CADM2: variants seen among roughly 807,000 people sequenced by gnomAD.
CADM2 encodes the protein immunoglobulin superfamily member 4D.
In CADM2, 12 loss-of-function variants were observed where a neutral mutation model predicts 49.8. The observed-to-expected ratio is 0.24, with a 90% CI of 0.15 to 0.39. CADM2 has a LOEUF of 0.39. Ranked by LOEUF, CADM2 falls within the 10% of genes least tolerant of loss-of-function variation. CADM2 has a pLI of 1.00. For missense variants in CADM2, 378 were observed against 492.3 expected (o/e 0.77, Z 2.20); for synonymous variants, 214 against 175.4 (o/e 1.22, Z -1.74).
At chr3:85,762,045 G>A (rs1181469673) in intron 2 of CADM2, among the ~76,000 whole-genome samples, 1 of 152,126 alleles carries the variant, frequency 6.6e-6, no homozygotes, top group African/African-American at 2.4e-5. Flanking sequence ...ATGAAAGGAG[G>A]AAGAATAATT....
At chr3:85,751,798 TTC>T (rs1255379258) in intron 2 of CADM2, among the ~76,000 whole-genome samples, 16 of 152,202 alleles carry the variant, frequency 1.1e-4, no homozygotes, top group Non-Finnish European at 2.4e-4. Context: ...CCATGTTAAA[TTC>T]TGTTTGCTTT....
At chr3:85,778,612 C>A (rs1338671143) in intron 2 of CADM2, among the ~76,000 whole-genome samples, 1 of 149,564 alleles carries the variant, frequency 6.7e-6, no homozygotes, top group Non-Finnish European at 1.5e-5. Flanking sequence ...CCTGAGGCCT[C>A]TCAACCATGC....
At chr3:85,959,873 A>G (rs185227233) in intron 7 of CADM2, among the ~76,000 whole-genome samples, 1 of 152,054 alleles carries the variant, frequency 6.6e-6, no homozygotes, top group African/African-American at 2.4e-5. Context: ...TGGTGTTTGT[A>G]TAATGACAAA....
intron 8 of CADM2, among the ~76,000 whole-genome samples, chr3:86,062,719 AG>A (rs1481314978): frequency 6.6e-6 from 1 of 152,034 alleles, no homozygotes; most frequent in East Asian, 1.9e-4. Flanking sequence ...TGTCCCTGGG[AG>A]GTGGAGGTTG....
At chr3:85,470,469 A>G (rs1297936534) in intron 1 of CADM2, among the ~76,000 whole-genome samples, 2 of 152,202 alleles carry the variant, frequency 1.3e-5, no homozygotes, top group Non-Finnish European at 2.9e-5. Flanking sequence ...CAGGAATTAC[A>G]TAGGGTTTTA....
At chr3:85,047,519 A>G (rs2035713801) in intron 1 of CADM2, among the ~76,000 whole-genome samples, 1 of 152,168 alleles carries the variant, frequency 6.6e-6, no homozygotes, top group Admixed American at 6.6e-5. Flanking sequence ...AGACCCTGCA[A>G]TGTGTGATGG....
In CADM2 at chr3:85,983,133, C is replaced by A. The variant is rs560515499; in HGVS notation, c.970+21486C>A. ...TTAAAATACATTTAAAGAATCACAG[C>A]TGTATCTATATTAAAAATCAAGATG... On this transcript the variant is annotated intron_variant, in intron 8 of 9. Coordinates refer to ENST00000383699, the MANE Select transcript of CADM2 (RefSeq NM_001167675.2). 1.1e-4 allele frequency among the ~76,000 whole-genome samples: 16 copies of A among 151,740 alleles called. No homozygotes were observed. The South Asian group carries it at 3.3e-3, about 32-fold the overall frequency.
At chr3:85,571,510 G>T (rs1432042756) in intron 1 of CADM2, among the ~76,000 whole-genome samples, 1 of 151,040 alleles carries the variant, frequency 6.6e-6, no homozygotes, top group Non-Finnish European at 1.5e-5. Flanking sequence ...TTTAATTATT[G>T]GATAAAAAAA....
chr3:85,882,306 T>C (rs1317707545), intron 3 of CADM2, among the ~76,000 whole-genome samples: 1 of 152,142 alleles, frequency 6.6e-6, no homozygotes, highest in Non-Finnish European at 1.5e-5. Flanking sequence ...GTAAGGCTCC[T>C]ACTTCATTCT....
At chr3:85,418,794 A>G (rs757175818) in intron 1 of CADM2, among the ~76,000 whole-genome samples, 1 of 152,164 alleles carries the variant, frequency 6.6e-6, no homozygotes, top group Non-Finnish European at 1.5e-5. Context: ...GGAGCTGGGT[A>G]TTATGAAGTG....
chr3:85,202,078 G>GAAAA (rs57243426), intron 1 of CADM2, among the ~76,000 whole-genome samples: 5 of 79,514 alleles, frequency 6.3e-5, no homozygotes, highest in Non-Finnish European at 9.6e-5. Flanking sequence ...GACTCTGTCT[G>GAAAA]AAAAAAAAAA....
intron 1 of CADM2, among the ~76,000 whole-genome samples, chr3:85,455,352 T>C (rs1289567752): frequency 6.6e-6 from 1 of 152,202 alleles, no homozygotes; most frequent in Non-Finnish European, 1.5e-5. Flanking sequence ...TCATCTTTCA[T>C]AGCATGAGTA....
At chr3:85,829,665 T>A (rs1230637151) in intron 3 of CADM2, among the ~76,000 whole-genome samples, 1 of 151,936 alleles carries the variant, frequency 6.6e-6, no homozygotes, top group Non-Finnish European at 1.5e-5. Context: ...TGACTGACAT[T>A]TCCCCATTTC....
chr3:85,327,517 A>G (rs904656156), intron 1 of CADM2, among the ~76,000 whole-genome samples: 10 of 147,826 alleles, frequency 6.8e-5, no homozygotes, highest in African/African-American at 2.5e-4. Context: ...CAGCCTCCCA[A>G]AGTGTTGGGA....
chr3:85,538,980 A>G (rs1044320839), intron 1 of CADM2, among the ~76,000 whole-genome samples: 4 of 152,100 alleles, frequency 2.6e-5, no homozygotes, highest in Admixed American at 1.3e-4. Flanking sequence ...TTTGTGAGAG[A>G]AAAGCCTTCT....
chr3:85,915,289 C>CAATTAAA (rs1170841188), intron 6 of CADM2, among the ~76,000 whole-genome samples: 1 of 151,972 alleles, frequency 6.6e-6, no homozygotes, highest in African/African-American at 2.4e-5. Context: ...CATGGCTAGC[C>CAATTAAA]AATTAAAAAT....
At chr3:85,649,127 A>G (rs1332693396) in intron 1 of CADM2, among the ~76,000 whole-genome samples, 1 of 152,150 alleles carries the variant, frequency 6.6e-6, no homozygotes, top group Non-Finnish European at 1.5e-5. Flanking sequence ...TAAGAAAAAC[A>G]GGATGATGAA....
chr3:85,381,936 C>G (rs1285455608), intron 1 of CADM2, among the ~76,000 whole-genome samples: 1 of 151,994 alleles, frequency 6.6e-6, no homozygotes, highest in East Asian at 1.9e-4. Context: ...AATCATCACT[C>G]TAATCAGCAG....
intron 1 of CADM2, among the ~76,000 whole-genome samples, chr3:85,246,402 A>G (rs1227508743): frequency 6.6e-6 from 1 of 152,106 alleles, no homozygotes; most frequent in Non-Finnish European, 1.5e-5. Flanking sequence ...ATATGTAACT[A>G]ACCTGCACGT....
Sources: gnomAD v4.1 joint callset for allele counts (sites outside exome capture counted in the v4.1 genomes callset) on GRCh38, gnomAD v4.1.1 for gene constraint, MANE v1.5 for transcripts, NCBI Gene and HGNC (gene_info 2026-07-23, HGNC 2026-07-21) for gene names.